GRK5: variants seen among roughly 807,000 people sequenced by gnomAD.
GRK5 encodes G protein-coupled receptor kinase 5.
In GRK5, 40 loss-of-function variants were observed where a neutral mutation model predicts 78.4. The ratio of observed to expected loss-of-function variants is 0.51; its 90% CI spans 0.40 to 0.66. The LOEUF (loss-of-function observed/expected upper bound fraction) is 0.66, where lower values mean the gene tolerates loss of function less well. Ranked by LOEUF, GRK5 falls within the 30% of genes least tolerant of loss-of-function variation. The pLI is 0.00. For missense variants in GRK5, 598 were observed against 759.9 expected, an observed-to-expected ratio of 0.79 and a Z score of 2.50; for synonymous variants, 289 against 296.8, an observed-to-expected ratio of 0.97 and a Z score of 0.27.
chr10:119,368,676 C>T (rs971040747), intron 2 of GRK5, among the ~76,000 whole-genome samples: 5 of 152,228 alleles, frequency 3.3e-5, no homozygotes, highest in Admixed American at 2.0e-4. Flanking sequence ...TCCCATGCAC[C>T]GATGTGCTTT....
At position 119,379,219 on chromosome 10, in the gene GRK5, G is replaced by A. The variant is rs909855949; in HGVS notation, c.149-1596G>A. On this transcript the variant is annotated intron_variant, in intron 2 of 15. Coordinates refer to ENST00000392870, the MANE Select transcript of GRK5 (RefSeq NM_005308.3). The surrounding 1 kb of genome is among the most constrained non-coding windows in gnomAD (Gnocchi z 4.1). ...TATTGTCTTATTCATTCTTCGGGACGGTCCTAGGAGTTAGGTCTGCTTACC... is the reference window on the plus strand; with the variant it reads ...TATTGTCTTATTCATTCTTCGGGACAGTCCTAGGAGTTAGGTCTGCTTACC... 1.3e-5 allele frequency among the ~76,000 whole-genome samples: 2 copies of A among 152,122 alleles called. No homozygotes were observed. Among genetic ancestry groups the A allele is most frequent in the African/African-American group, 2.4e-5 (1 of 41,406 alleles).
intron 2 of GRK5, among the ~76,000 whole-genome samples, chr10:119,350,138 A>G (rs1005837095): frequency 1.3e-5 from 2 of 152,236 alleles, no homozygotes; most frequent in African/African-American, 4.8e-5. Flanking sequence ...GGCCCAGCCC[A>G]TGACTGCCAG....
At chr10:119,249,541 AG>A (rs1849167300) in intron 1 of GRK5, among the ~76,000 whole-genome samples, 1 of 152,148 alleles carries the variant, frequency 6.6e-6, no homozygotes, top group South Asian at 2.1e-4. Flanking sequence ...TCTGTTGCCC[AG>A]GCTGGAGTGC....
chr10:119,231,576 G>A (rs1379466831), intron 1 of GRK5, among the ~76,000 whole-genome samples: 1 of 151,712 alleles, frequency 6.6e-6, no homozygotes, highest in Non-Finnish European at 1.5e-5. Flanking sequence ...GCGTGGTGGT[G>A]GATGCCTGTA....
chr10:119,231,104 CA>C (rs1342496784), intron 1 of GRK5, among the ~76,000 whole-genome samples: 1 of 152,006 alleles, frequency 6.6e-6, no homozygotes, highest in African/African-American at 2.4e-5. Context: ...TTTTGTGCAG[CA>C]AAAGAAACAA....
At chr10:119,400,407 G>C (rs1852129919) in intron 4 of GRK5, among the ~76,000 whole-genome samples, 1 of 152,196 alleles carries the variant, frequency 6.6e-6, no homozygotes, top group Admixed American at 6.5e-5. Flanking sequence ...GGGGCTATCT[G>C]GAGATACTTG....
At chr10:119,296,600 G>C (rs1850086380) in intron 1 of GRK5, among the ~76,000 whole-genome samples, 1 of 152,188 alleles carries the variant, frequency 6.6e-6, no homozygotes, top group Admixed American at 6.5e-5. Context: ...AGGCTGCTGT[G>C]GAGGACGTCA....
At chr10:119,341,637 T>G (rs146531491) in intron 2 of GRK5, among the ~76,000 whole-genome samples, 317 of 152,172 alleles carry the variant, frequency 2.1e-3, no homozygotes, top group African/African-American at 7.4e-3. Flanking sequence ...CTTTGTCTTC[T>G]GTTTGGCTGT....
At chr10:119,446,684 G>A (rs930472711) in intron 12 of GRK5, among the ~76,000 whole-genome samples, 10 of 152,356 alleles carry the variant, frequency 6.6e-5, no homozygotes, top group East Asian at 3.9e-4. Flanking sequence ...CTGGTGGTCC[G>A]TGGGGGCGTT....
At chr10:119,255,280 C>T (rs985338860) in intron 1 of GRK5, among the ~76,000 whole-genome samples, 1 of 152,040 alleles carries the variant, frequency 6.6e-6, no homozygotes, top group African/African-American at 2.4e-5. Context: ...CTCTTATTCT[C>T]AGGGGTATCA....
At chr10:119,372,683 A>G (rs1269391220) in intron 2 of GRK5, among the ~76,000 whole-genome samples, 3 of 152,176 alleles carry the variant, frequency 2.0e-5, no homozygotes, top group Non-Finnish European at 4.4e-5. Flanking sequence ...TACAGTTTTG[A>G]TTTCATTCTC....
intron 4 of GRK5, among the ~76,000 whole-genome samples, chr10:119,416,401 C>G (rs1852453493): frequency 6.6e-6 from 1 of 152,218 alleles, no homozygotes; most frequent in South Asian, 2.1e-4. Flanking sequence ...GCATTCCTGC[C>G]AGCCGTTCCT....
chr10:119,239,378 G>C (rs956087122), intron 1 of GRK5, among the ~76,000 whole-genome samples: 1 of 151,978 alleles, frequency 6.6e-6, no homozygotes, highest in Non-Finnish European at 1.5e-5. Flanking sequence ...GGGACTACAG[G>C]CACCTGCCAC....
chr10:119,236,139 G>T (rs557805968), intron 1 of GRK5, among the ~76,000 whole-genome samples: 10 of 152,272 alleles, frequency 6.6e-5, no homozygotes, highest in African/African-American at 2.4e-4. Context: ...ACTTTGGGAG[G>T]CCGAGGCAGG....
At chr10:119,365,084 C>T (rs981474705) in intron 2 of GRK5, among the ~76,000 whole-genome samples, 31 of 152,140 alleles carry the variant, frequency 2.0e-4, no homozygotes, top group African/African-American at 6.5e-4. Flanking sequence ...GGAGCAGCAG[C>T]GCCCCAGGCT....
intron 2 of GRK5, among the ~76,000 whole-genome samples, chr10:119,354,286 A>G (rs144194484): frequency 1.3e-4 from 19 of 151,568 alleles, no homozygotes; most frequent in African/African-American, 4.1e-4. Flanking sequence ...CTCTTAGCAG[A>G]TTTCCAGTGT....
chr10:119,344,728 T>C (rs1261795006), intron 2 of GRK5, among the ~76,000 whole-genome samples: 2 of 152,196 alleles, frequency 1.3e-5, no homozygotes, highest in African/African-American at 4.8e-5. Flanking sequence ...AGCTCAGGCA[T>C]ATTCCAGGTG....
At chr10:119,360,878 C>G (rs915803979) in intron 2 of GRK5, among the ~76,000 whole-genome samples, 1 of 152,170 alleles carries the variant, frequency 6.6e-6, no homozygotes, top group Non-Finnish European at 1.5e-5. Context: ...CCTGAGCGTT[C>G]TGAGCCTGTG....
Position 119,224,555 on chromosome 10 carries a change from G to A in GRK5, c.52+16586G>A, listed in dbSNP as rs370204469. On this transcript the variant is annotated intron_variant, in intron 1 of 15. Coordinates refer to ENST00000392870, the MANE Select transcript of GRK5 (RefSeq NM_005308.3). ...GCCCCGAGTAGCTGGGATTACAGGCGCCCGCCACCATGCCCGGCTAACTTT... is the reference window on the plus strand; with the variant it reads ...GCCCCGAGTAGCTGGGATTACAGGCACCCGCCACCATGCCCGGCTAACTTT... Among the ~76,000 whole-genome samples, 35 of 152,010 alleles carry A rather than the reference G, an allele frequency of 2.3e-4. No homozygotes were observed. The South Asian group carries it at 6.7e-3, about 29-fold the overall frequency.
Sources: allele counts gnomAD v4.1 joint callset (sites outside exome capture counted in the v4.1 genomes callset), GRCh38; gene constraint gnomAD v4.1.1; non-coding constraint Gnocchi (gnomAD v3.1); transcripts MANE v1.5; gene names NCBI Gene and HGNC (gene_info 2026-07-23, HGNC 2026-07-21).